The following IGSF21 variants were observed in gnomAD, a reference collection of about 807,000 sequenced individuals.
The protein encoded by IGSF21 is immunoglobin superfamily member 21.
Under a neutral mutation model 46.8 loss-of-function variants are expected in IGSF21, and 28 were observed. The observed-to-expected ratio is 0.60, with a 90% confidence interval of 0.44 to 0.82. The LOEUF is 0.82. Among genes scored for constraint, IGSF21 ranks in the 40% least tolerant of loss-of-function variants. The pLI is 0.00. For missense variants in IGSF21, 624 were observed against 665.5 expected (o/e 0.94, Z 0.69); for synonymous variants, 284 against 273.6 (o/e 1.04, Z -0.38).
At chr1:18,285,211 G>A (rs1021375270) in intron 2 of IGSF21, among the ~76,000 whole-genome samples, 12 of 149,936 alleles carry the variant, frequency 8.0e-5, no homozygotes, top group African/African-American at 2.0e-4. Flanking sequence ...TTTCTTTTTC[G>A]GATGACAGCA....
intron 3 of IGSF21, among the ~76,000 whole-genome samples, chr1:18,321,131 G>A (rs1034888653): frequency 3.3e-5 from 5 of 152,190 alleles, no homozygotes; most frequent in Admixed American, 1.3e-4. Flanking sequence ...CCCTATATTG[G>A]AGGGACCCAT....
At chr1:18,274,800 C>A (rs887424638) in intron 2 of IGSF21, among the ~76,000 whole-genome samples, 1 of 152,108 alleles carries the variant, frequency 6.6e-6, no homozygotes. Flanking sequence ...CCAAGGTGGG[C>A]GGATCACTTG....
intron 1 of IGSF21, among the ~76,000 whole-genome samples, chr1:18,163,887 C>T (rs192216887): frequency 4.6e-5 from 7 of 152,270 alleles, no homozygotes; most frequent in Non-Finnish European, 8.8e-5. Context: ...CTAACAATAA[C>T]GGGTGTTTTC....
intron 1 of IGSF21, among the ~76,000 whole-genome samples, chr1:18,152,234 G>C (rs2086527392): frequency 6.6e-6 from 1 of 152,210 alleles, no homozygotes; most frequent in Admixed American, 6.5e-5. Context: ...GAGCTAAGCA[G>C]ATGTCAAATG....
intron 2 of IGSF21, among the ~76,000 whole-genome samples, chr1:18,240,505 A>G (rs2084716472): frequency 6.6e-6 from 1 of 152,218 alleles, no homozygotes; most frequent in South Asian, 2.1e-4. Context: ...TCTCTCCCAG[A>G]ATGCAAACCC....
intron 1 of IGSF21, among the ~76,000 whole-genome samples, chr1:18,223,036 A>G (rs968780273): frequency 2.6e-5 from 4 of 152,168 alleles, no homozygotes; most frequent in African/African-American, 9.7e-5. Context: ...GCCCACCTCC[A>G]GACCTGAGAC....
intron 2 of IGSF21, among the ~76,000 whole-genome samples, chr1:18,249,228 G>A (rs1310875732): frequency 6.6e-6 from 1 of 152,108 alleles, no homozygotes; most frequent in Non-Finnish European, 1.5e-5. Flanking sequence ...CTGCTTGCTA[G>A]CTGTGAGGTC....
At chr1:18,312,286 G>A (rs1177237447) in intron 3 of IGSF21, among the ~76,000 whole-genome samples, 1 of 152,206 alleles carries the variant, frequency 6.6e-6, no homozygotes, top group African/African-American at 2.4e-5. Flanking sequence ...ACTGGCAGGA[G>A]CAGGGGTAAT....
In IGSF21 at chr1:18,365,119, C is replaced by G; in HGVS notation, c.541-104C>G. Reference sequence around the variant, plus strand: ...GAGGGCTACTGTCTAGACTACTATGCTCTGGAAGAACTGGCATCCTGTGCC... The same window carrying G: ...GAGGGCTACTGTCTAGACTACTATGGTCTGGAAGAACTGGCATCCTGTGCC... On this transcript the variant is annotated intron_variant, in intron 5 of 9. Coordinates refer to ENST00000251296, the MANE Select transcript of IGSF21 (RefSeq NM_032880.5). The surrounding 1 kb of genome is among the most constrained non-coding windows in gnomAD (Gnocchi z 4.8). 3 of 842,656 alleles carry G rather than the reference C, an allele frequency of 3.6e-6. No homozygotes were observed. The allele number at this position is 842,656 out of a possible 1,614,324, so 52.2% of individuals were successfully genotyped here.
rs71643499 is a variant in IGSF21 at position 18,189,975 on chromosome 1, A to G, written c.71-37923A>G. Among the ~76,000 whole-genome samples, 1,022 of 152,216 alleles carry G rather than the reference A, an allele frequency of 6.7e-3. 2 individuals are homozygous for G. The highest frequency in any genetic ancestry group is 0.014 in the Middle Eastern group (4 of 294). ...GTGTATGGCTGCTGCAGGGGTGAGA[A>G]GTGGGGGCCGGTACCAGTCCATGGC... is the stretch of plus-strand genomic sequence containing the variant. On this transcript the variant is annotated intron_variant, in intron 1 of 9. Coordinates refer to ENST00000251296, the MANE Select transcript of IGSF21 (RefSeq NM_032880.5).
intron 1 of IGSF21, 87 bp from the exon 2 acceptor site, chr1:18,227,811 T>C: frequency 1.1e-6 from 1 of 902,032 alleles, no homozygotes; most frequent in South Asian, 1.4e-5. Context: ...CCCTCCTCTG[T>C]CTGCTGTCTC....
intron 3 of IGSF21, among the ~76,000 whole-genome samples, chr1:18,298,566 T>C (rs543198747): frequency 1.3e-5 from 2 of 152,218 alleles, no homozygotes; most frequent in East Asian, 1.9e-4. Context: ...CTGGGGGCCA[T>C]GTAGAGAAAG....
At chr1:18,329,765 A>G (rs1452578998) in intron 3 of IGSF21, among the ~76,000 whole-genome samples, 1 of 152,122 alleles carries the variant, frequency 6.6e-6, no homozygotes, top group Admixed American at 6.5e-5. Context: ...CCCACTCCCA[A>G]TCCAAGCCTC....
At chr1:18,339,661 G>A (rs921352253) in intron 4 of IGSF21, among the ~76,000 whole-genome samples, 1 of 152,200 alleles carries the variant, frequency 6.6e-6, no homozygotes, top group Admixed American at 6.5e-5. Context: ...GGAGGTAAAG[G>A]CTGCAGTGAG....
chr1:18,211,924 A>T (rs2084396537), intron 1 of IGSF21, among the ~76,000 whole-genome samples: 1 of 152,218 alleles, frequency 6.6e-6, no homozygotes, highest in Non-Finnish European at 1.5e-5. Flanking sequence ...CAGAAAGCGA[A>T]ACAGCAGCCA....
At chr1:18,319,972 C>T (rs926556265) in intron 3 of IGSF21, among the ~76,000 whole-genome samples, 14 of 152,186 alleles carry the variant, frequency 9.2e-5, no homozygotes, top group African/African-American at 2.7e-4. Flanking sequence ...AGCTGTATCC[C>T]TAGCACCTAG....
chr1:18,287,830 C>G (rs1466622552), intron 2 of IGSF21, among the ~76,000 whole-genome samples: 1 of 152,222 alleles, frequency 6.6e-6, no homozygotes, highest in East Asian at 1.9e-4. Context: ...TGGCACCTTC[C>G]ACCTGCCTCC....
At chr1:18,147,719 T>C (rs1350287379) in intron 1 of IGSF21, among the ~76,000 whole-genome samples, 1 of 152,224 alleles carries the variant, frequency 6.6e-6, no homozygotes. Context: ...TAGGTTTGCA[T>C]ATACATAACT....
chr1:18,216,700 T>C (rs549724118), intron 1 of IGSF21, among the ~76,000 whole-genome samples: 2 of 152,178 alleles, frequency 1.3e-5, no homozygotes, highest in East Asian at 3.9e-4. Flanking sequence ...TTTCTTTTCT[T>C]AAAGGCACTG....
Sources: gnomAD v4.1 joint callset for allele counts (sites outside exome capture counted in the v4.1 genomes callset) on GRCh38, gnomAD v4.1.1 for gene constraint, Gnocchi (gnomAD v3.1) non-coding constraint, MANE v1.5 for transcripts, NCBI Gene and HGNC (gene_info 2026-07-23, HGNC 2026-07-21) for gene names.